The following TOX variants were observed in gnomAD, a reference collection of about 807,000 sequenced individuals.
TOX encodes the protein thymocyte selection-associated high mobility group box protein TOX.
In TOX, 11 loss-of-function variants were observed where a neutral mutation model predicts 53.7. The observed-to-expected ratio is 0.20, with a 90% CI of 0.13 to 0.34. TOX has a LOEUF of 0.34. TOX is among the 10% of genes least tolerant of loss of function. The probability of loss-of-function intolerance (pLI) is 1.00; values close to 1 mark genes in which losing one functional copy is unlikely to be tolerated. For synonymous variants in TOX, 225 were observed against 245.3 expected (o/e 0.92, Z 0.77); for missense variants, 570 against 664.6 (o/e 0.86, Z 1.56).
chr8:59,020,408 T>A (rs1198398408), intron 1 of TOX, among the ~76,000 whole-genome samples: 1 of 152,156 alleles, frequency 6.6e-6, no homozygotes, highest in Non-Finnish European at 1.5e-5. Context: ...ATGCTTTTCT[T>A]TATCCTCTCT....
chr8:59,054,647 C>T (rs1203665359), intron 1 of TOX, among the ~76,000 whole-genome samples: 2 of 152,028 alleles, frequency 1.3e-5, no homozygotes, highest in Non-Finnish European at 2.9e-5. Context: ...TAAAGGCCGA[C>T]TCGTTACAAC....
At chr8:58,918,649 C>G (rs1410422265) in intron 3 of TOX, among the ~76,000 whole-genome samples, 1 of 47,768 alleles carries the variant, frequency 2.1e-5, no homozygotes, top group African/African-American at 8.7e-5. Context: ...TGGCACAAGA[C>G]AGGGATGTCC....
In TOX at chr8:58,851,724, C is replaced by A. The variant is rs1810826238; in HGVS notation, c.493G>T (p.Ala165Ser). 3 of 1,613,410 alleles carry A rather than the reference C, an allele frequency of 1.9e-6. No homozygotes were observed. The highest frequency in any genetic ancestry group is 1.3e-5 in the African/African-American group (1 of 74,956). Reference sequence around the variant, plus strand: ...ATTCCTGGCTGCTGCCTGATGTCTGCAGGCTGGCCCCTTGGTCTCATGGCT... The same window carrying A: ...ATTCCTGGCTGCTGCCTGATGTCTGAAGGCTGGCCCCTTGGTCTCATGGCT... Reference protein sequence around the residue: ...MAAMRPRGQPADIRQQPGMMP... With the variant: ...MAAMRPRGQPSDIRQQPGMMP... Residue 165 changes from alanine (A) to serine (S), a missense_variant, in exon 4 of 9, where the codon GCA (alanine) becomes TCA (serine). Transcript: ENST00000361421. The surrounding 1 kb of genome is among the most constrained non-coding windows in gnomAD (Gnocchi z 4.4).
intron 1 of TOX, among the ~76,000 whole-genome samples, chr8:59,106,313 G>GA (rs60922087): frequency 1.3e-5 from 2 of 148,610 alleles, no homozygotes; most frequent in Non-Finnish European, 3.0e-5. Context: ...CTTTAGGGGG[G>GA]AAAAAAAAAG....
rs147801582 is a variant in TOX at position 59,099,064 on chromosome 8, C to T, written c.102+19822G>A. ...AGTTGTTATGATGAATGCCATGGTGCCTTAAAAGACAACAGCATTAGATTT... is the reference window on the plus strand; with the variant it reads ...AGTTGTTATGATGAATGCCATGGTGTCTTAAAAGACAACAGCATTAGATTT... On this transcript the variant is annotated intron_variant, in intron 1 of 8. Coordinates refer to ENST00000361421, the MANE Select transcript of TOX (RefSeq NM_014729.3). Among the ~76,000 whole-genome samples, 1,062 of 152,222 alleles carry T rather than the reference C, an allele frequency of 7.0e-3. 7 individuals are homozygous for T. The highest frequency in any genetic ancestry group is 0.024 in the African/African-American group (1,001 of 41,504).
intron 1 of TOX, among the ~76,000 whole-genome samples, chr8:59,040,817 T>C (rs1803568625): frequency 6.6e-6 from 1 of 152,194 alleles, no homozygotes; most frequent in South Asian, 2.1e-4. Context: ...GGGCTTGGGA[T>C]GGCCCCGCCT....
chr8:58,840,840 GCTT>G (rs1469979754), intron 4 of TOX, among the ~76,000 whole-genome samples: 1 of 48,216 alleles, frequency 2.1e-5, no homozygotes, highest in Non-Finnish European at 3.5e-5. Flanking sequence ...TCCAGTGGAT[GCTT>G]GATGCTTGAG....
intron 1 of TOX, among the ~76,000 whole-genome samples, chr8:59,044,277 G>A (rs1442565113): frequency 6.7e-6 from 1 of 149,290 alleles, no homozygotes; most frequent in Non-Finnish European, 1.5e-5. Flanking sequence ...ACTGTGTGAA[G>A]CAACAGCTCT....
At chr8:58,837,576 C>T (rs1334037370) in intron 5 of TOX, among the ~76,000 whole-genome samples, 3 of 152,104 alleles carry the variant, frequency 2.0e-5, no homozygotes, top group Admixed American at 1.3e-4. Flanking sequence ...TTTAACACAG[C>T]CTAAAAATAT....
intron 2 of TOX, among the ~76,000 whole-genome samples, chr8:58,954,132 C>T (rs895959826): frequency 6.6e-5 from 10 of 152,114 alleles, no homozygotes; most frequent in African/African-American, 2.4e-4. Context: ...TAAGCATTGA[C>T]TGTCATTATC....
chr8:59,001,969 CTTTTTTTTTTTTTT>C (rs1182278313), intron 1 of TOX, among the ~76,000 whole-genome samples: 1 of 114,636 alleles, frequency 8.7e-6, no homozygotes, highest in African/African-American at 3.6e-5. Context: ...TACAGAAGTA[CTTTTTTTTTTTTTT>C]TTTTTTTTGA....
intron 1 of TOX, among the ~76,000 whole-genome samples, chr8:59,112,752 A>C (rs1314417816): frequency 6.6e-6 from 1 of 152,218 alleles, no homozygotes; most frequent in Non-Finnish European, 1.5e-5. Context: ...GGCAAGAACT[A>C]CAGTTAGGAT....
chr8:59,102,559 C>T (rs914692574), intron 1 of TOX, among the ~76,000 whole-genome samples: 3 of 152,056 alleles, frequency 2.0e-5, no homozygotes, highest in Admixed American at 6.6e-5. Flanking sequence ...CATCAGAACT[C>T]GTGAGACCCG....
intron 7 of TOX, among the ~76,000 whole-genome samples, chr8:58,809,319 A>G (rs1810040048): frequency 6.6e-6 from 1 of 152,230 alleles, no homozygotes; most frequent in Non-Finnish European, 1.5e-5. Flanking sequence ...TTCACTTTTA[A>G]AGAACTCAGC....
chr8:59,085,979 C>CTTTTTTTTTTTTTT (rs35593177), intron 1 of TOX, among the ~76,000 whole-genome samples: 3 of 88,820 alleles, frequency 3.4e-5, no homozygotes, highest in Non-Finnish European at 6.7e-5. Context: ...CTTTTCTTTT[C>CTTTTTTTTTTTTTT]TTTTTTTTTT....
intron 6 of TOX, among the ~76,000 whole-genome samples, chr8:58,823,646 G>A (rs1810317140): frequency 6.6e-6 from 1 of 152,206 alleles, no homozygotes; most frequent in Admixed American, 6.5e-5. Context: ...TCTGTAAGAA[G>A]CAGCTAATTT....
chr8:58,924,339 C>A (rs1054552389), intron 3 of TOX, among the ~76,000 whole-genome samples: 2 of 152,216 alleles, frequency 1.3e-5, no homozygotes, highest in African/African-American at 4.8e-5. Flanking sequence ...TCTCTCCATA[C>A]ATACTAAGCA....
intron 1 of TOX, among the ~76,000 whole-genome samples, chr8:59,009,529 C>G (rs1194509792): frequency 6.6e-6 from 1 of 152,054 alleles, no homozygotes; most frequent in Non-Finnish European, 1.5e-5. Flanking sequence ...TGTGCCTCCA[C>G]ACCTGGCTAA....
At position 58,815,686 on chromosome 8, in the gene TOX, A is replaced by T; in HGVS notation, c.1044T>A (p.Pro348=). 6.2e-7 allele frequency: 1 copy of T among 1,613,758 alleles called. No individual in the cohort carries two copies. The highest frequency in any genetic ancestry group is 8.5e-7 in the Non-Finnish European group (1 of 1,179,854). ...SEPVDVKTSQ[P]PQLINSKPSV... Reference sequence around the variant, plus strand: ...ACGGCTTCGAATTGATCAGCTGAGGAGGTTGAGATGTCTTCACGTCAACAG... The same window carrying T: ...ACGGCTTCGAATTGATCAGCTGAGGTGGTTGAGATGTCTTCACGTCAACAG... Residue 348 remains proline, a synonymous_variant, in exon 7 of 9, where the codon CCT becomes CCA. Coordinates refer to ENST00000361421, the MANE Select transcript of TOX (RefSeq NM_014729.3).
Sources: allele counts gnomAD v4.1 joint callset (sites outside exome capture counted in the v4.1 genomes callset), GRCh38; gene constraint gnomAD v4.1.1; non-coding constraint Gnocchi (gnomAD v3.1); transcripts MANE v1.5; gene names NCBI Gene and HGNC (gene_info 2026-07-23, HGNC 2026-07-21).